CSRP1: variants seen among roughly 807,000 people sequenced by gnomAD.
CSRP1 encodes the protein cysteine and glycine rich protein 1.
Under a neutral mutation model 25.4 loss-of-function variants are expected in CSRP1, and 16 were observed. That is an observed-to-expected ratio of 0.63 (90% CI 0.43 to 0.96). CSRP1 has a LOEUF of 0.96. Ranked by LOEUF, CSRP1 falls within the 40% of genes least tolerant of loss-of-function variation. CSRP1 has a pLI of 0.00. For synonymous variants in CSRP1, 97 were observed against 95.3 expected, an observed-to-expected ratio of 1.02 and a Z score of -0.10; for missense variants, 212 against 243.6, an observed-to-expected ratio of 0.87 and a Z score of 0.86.
chr1:201,505,618 G>T (rs1020679413), intron 1 of CSRP1, among the ~76,000 whole-genome samples: 1 of 152,232 alleles, frequency 6.6e-6, no homozygotes, highest in Non-Finnish European at 1.5e-5. Flanking sequence ...TTCCTTCCTC[G>T]TCTGACTGCC....
At chr1:201,489,523 ACTT>A (rs1197926603) in intron 3 of CSRP1, 2 of 161,974 alleles carry the variant, frequency 1.2e-5, no homozygotes, top group Admixed American at 6.0e-5. Flanking sequence ...AAGGGAAATG[ACTT>A]CTTCTCAGTA....
chr1:201,488,770 C>A lies in CSRP1; in HGVS notation c.411+85G>T. The A allele has an allele frequency of 3.3e-6, 5 of 1,535,110 alleles. No homozygotes were observed. In the South Asian group the frequency reaches 4.8e-5, roughly 15 times the overall value. On this transcript the variant is annotated intron_variant, in intron 4 of 5. Coordinates refer to ENST00000340006, the MANE Select transcript of CSRP1 (RefSeq NM_004078.3). The stretch of plus-strand genomic sequence containing the variant: ...AGTGCTCAGGCTGCCCTGAGCAGAG[C>A]TAGGTCACCAATTTAAAAGTTCTGG...
chr1:201,490,187 G>C lies in CSRP1; in HGVS notation c.270C>G (p.Ile90Met). 1.2e-6 allele frequency: 2 copies of C among 1,613,726 alleles called. No individual in the cohort carries two copies. Among genetic ancestry groups the C allele is most frequent in the Non-Finnish European group, 1.7e-6 (2 of 1,179,674 alleles). ...LSTDKGESLG[I>M]KHEEAPGHRP... ...GATCTTTTACTCACTCCTCGTGCTT[G>C]ATACCCAGCGACTCCCCCTTGTCAG... Residue 90 changes from isoleucine to methionine, a missense_variant, in exon 3 of 6, where the codon ATC becomes ATG. Transcript: ENST00000340006.
rs374251892 is a variant in CSRP1 at position 201,484,321 on chromosome 1, C to T, written c.*392G>A. Reference sequence around the variant, plus strand: ...CCCTCCTCATCTTGGTCTTGCTTCCCTCTCCCTCCAGCCTGTTGCTGCTGC... The same window carrying T: ...CCCTCCTCATCTTGGTCTTGCTTCCTTCTCCCTCCAGCCTGTTGCTGCTGC... On this transcript the variant is annotated 3_prime_UTR_variant, in exon 6 of 6. Transcript: ENST00000340006. The T allele has an allele frequency of 4.4e-4, 222 of 508,648 alleles. 1 individual carries two copies. The highest frequency in any genetic ancestry group is 2.6e-3 in the Middle Eastern group (5 of 1,920). The allele number at this position is 508,648 out of a possible 1,614,324, so 31.5% of individuals were successfully genotyped here.
At chr1:201,505,145 C>G (rs1220871392) in intron 1 of CSRP1, among the ~76,000 whole-genome samples, 4 of 152,136 alleles carry the variant, frequency 2.6e-5, no homozygotes, top group Admixed American at 2.0e-4. Flanking sequence ...CGCCTTTTTT[C>G]TCTCACCTGC....
Position 201,483,849 on chromosome 1 carries a change from T to A in CSRP1, c.*864A>T, listed in dbSNP as rs1664046406. ...GAGGCAGTGCCTACCTCCCTCCACA[T>A]CTGAGGATCAAGCAGGTGTGGCAAG... On this transcript the variant is annotated 3_prime_UTR_variant, in exon 6 of 6. Coordinates refer to ENST00000340006, the MANE Select transcript of CSRP1 (RefSeq NM_004078.3). The A allele has an allele frequency of 1.7e-6, 1 of 573,368 alleles. No homozygotes were observed. The highest frequency in any genetic ancestry group is 1.8e-5 in the African/African-American group (1 of 54,338). The allele number at this position is 573,368 out of a possible 1,614,324, so 35.5% of individuals were successfully genotyped here. A position where few individuals can be genotyped will look rare whatever the true frequency, so the allele number is the denominator to read the frequency against.
At position 201,496,666 on chromosome 1, in the gene CSRP1, C is replaced by T. The variant is rs1664525026; in HGVS notation, c.-1-362G>A. The T allele has an allele frequency of 1.7e-5, 4 of 240,400 alleles. No individual in the cohort carries two copies. In the South Asian group the frequency reaches 2.8e-4, roughly 17 times the overall value. 14.9% of individuals were successfully genotyped at this position (240,400 alleles called of 1,614,324 possible). ...CCTACACACGTCAACATGGACGGAT[C>T]TCAAAGAGAATGTGGAAGAAGCAGA... is the stretch of plus-strand genomic sequence containing the variant. On this transcript the variant is annotated intron_variant, in intron 1 of 5. Transcript: ENST00000340006.
At chr1:201,485,737 G>A (rs541106104) in intron 4 of CSRP1, 1 of 261,590 alleles carries the variant, frequency 3.8e-6, no homozygotes, top group Non-Finnish European at 7.5e-6. Flanking sequence ...TCAGTGGTGT[G>A]AGCCAGGGCT....
chr1:201,496,290 C>A lies in CSRP1; in HGVS notation c.14G>T (p.Gly5Val). The A allele has an allele frequency of 6.2e-7, 1 of 1,613,866 alleles. No individual in the cohort carries two copies. The highest frequency in any genetic ancestry group is 1.1e-5 in the South Asian group (1 of 91,078). The change falls in exon 2 of 6, where the codon GGA (glycine) becomes GTA (valine). Residue 5 changes from glycine to valine, a missense_variant. Physicochemically the swap from Gly to Val is moderately radical, Grantham distance 109. Coordinates refer to ENST00000340006, the MANE Select transcript of CSRP1 (RefSeq NM_004078.3). ...ACACACCCCACATTTCTTGCCTCCTCCCCAGTTCGGCATTCTGAAAAGGGA... is the reference window on the plus strand; with the variant it reads ...ACACACCCCACATTTCTTGCCTCCTACCCAGTTCGGCATTCTGAAAAGGGA... MPNWGGGKKCGVCQK... is the reference protein window; with the variant it reads MPNWVGGKKCGVCQK...
chr1:201,484,384 T>C lies in CSRP1; in HGVS notation c.*329A>G, dbSNP rs114177212. 584 of 496,022 alleles carry C rather than the reference T, an allele frequency of 1.2e-3. 4 individuals carry two copies. The highest frequency in any genetic ancestry group is 9.7e-3 in the African/African-American group (514 of 52,882). 30.7% of individuals were successfully genotyped at this position (496,022 alleles called of 1,614,324 possible). A position where few individuals can be genotyped will look rare whatever the true frequency, so the allele number is the denominator to read the frequency against. ...CAAGATGTGTCCTCAGGTGTCTTGGTCAGCTGATGATGGACACGCAGCACA... is the reference window on the plus strand; with the variant it reads ...CAAGATGTGTCCTCAGGTGTCTTGGCCAGCTGATGATGGACACGCAGCACA... On this transcript the variant is annotated 3_prime_UTR_variant, in exon 6 of 6. Transcript: ENST00000340006.
At chr1:201,493,317 T>C (rs1313086725) in intron 2 of CSRP1, among the ~76,000 whole-genome samples, 1 of 152,210 alleles carries the variant, frequency 6.6e-6, no homozygotes, top group Non-Finnish European at 1.5e-5. Flanking sequence ...GGCACTGATA[T>C]GGTTTGGCTG....
intron 1 of CSRP1, among the ~76,000 whole-genome samples, chr1:201,505,714 T>TAA (rs1319769351): frequency 4.6e-5 from 7 of 152,088 alleles, no homozygotes; most frequent in African/African-American, 1.7e-4. Flanking sequence ...AAACAATGGG[T>TAA]AAAAGCTGCC....
At chr1:201,496,414 T>C in intron 1 of CSRP1, 110 bp from the exon 2 acceptor site, 1 of 931,170 alleles carries the variant, frequency 1.1e-6, no homozygotes. Context: ...AAGACAAAAG[T>C]AGAATGCCTG....
intron 1 of CSRP1, among the ~76,000 whole-genome samples, chr1:201,498,170 G>A (rs748694423): frequency 7.2e-5 from 11 of 152,304 alleles, no homozygotes; most frequent in South Asian, 2.1e-4. Context: ...AGAGCAGCAC[G>A]GAAGGTAACA....
At chr1:201,490,865 A>G (rs1287743382) in intron 2 of CSRP1, 2 of 152,586 alleles carry the variant, frequency 1.3e-5, no homozygotes, top group African/African-American at 4.8e-5. Flanking sequence ...ACCCCATAAG[A>G]AATGTTTAAC....
intron 1 of CSRP1, among the ~76,000 whole-genome samples, chr1:201,499,732 C>T (rs1188698470): frequency 6.6e-6 from 1 of 152,226 alleles, no homozygotes; most frequent in African/African-American, 2.4e-5. Flanking sequence ...TCTCATGCCT[C>T]AGCCTCCTGA....
chr1:201,493,363 G>A (rs1664403554), intron 2 of CSRP1, among the ~76,000 whole-genome samples: 1 of 152,226 alleles, frequency 6.6e-6, no homozygotes, highest in Non-Finnish European at 1.5e-5. Context: ...GCCAAATGGA[G>A]ATAATTGAAT....
chr1:201,490,884 A>G (rs1360445824), intron 2 of CSRP1: 1 of 152,488 alleles, frequency 6.6e-6, no homozygotes, highest in Non-Finnish European at 1.5e-5. Flanking sequence ...ACATTTATTA[A>G]GTGCCCAACA....
At chr1:201,485,588 C>G (rs908799739) in intron 4 of CSRP1, 22 of 568,702 alleles carry the variant, frequency 3.9e-5, no homozygotes, top group Middle Eastern at 4.7e-4. Context: ...ATCTTCCATG[C>G]TATGTTGCAA....
Sources: allele counts gnomAD v4.1 joint callset (sites outside exome capture counted in the v4.1 genomes callset), GRCh38; gene constraint gnomAD v4.1.1; transcripts MANE v1.5; gene names NCBI Gene and HGNC (gene_info 2026-07-23, HGNC 2026-07-21).